DCUN1D1: variants seen among roughly 807,000 people sequenced by gnomAD.
DCUN1D1 encodes the protein DCN1-like protein 1.
A neutral mutation model predicts 39.0 loss-of-function variants in DCUN1D1; 3 were observed. The ratio of observed to expected loss-of-function variants is 0.08; its 90% CI spans 0.04 to 0.20. The LOEUF is 0.20. Ranked by LOEUF, DCUN1D1 falls within the 10% of genes least tolerant of loss-of-function variation. The pLI, the probability that DCUN1D1 is intolerant of heterozygous loss-of-function variation, is 1.00. For synonymous variants in DCUN1D1, 82 were observed against 96.3 expected (o/e 0.85, Z 0.87); for missense variants, 158 against 302.4 (o/e 0.52, Z 3.54).
At chr3:182,966,778 G>T (rs1408063008) in intron 1 of DCUN1D1, among the ~76,000 whole-genome samples, 1 of 152,150 alleles carries the variant, frequency 6.6e-6, no homozygotes, top group Non-Finnish European at 1.5e-5. Context: ...TGTAAATGAA[G>T]AGGGAAAACT....
rs1252278229 is a variant in DCUN1D1, at chr3:182,944,241, T to C, written c.*853A>G. Reference sequence around the variant, plus strand: ...TCCAAAACATTCAAAACAAATTAAATAGTTTAACTTATGTGACAGGCAGAT... The same window carrying C: ...TCCAAAACATTCAAAACAAATTAAACAGTTTAACTTATGTGACAGGCAGAT... On this transcript the variant is annotated 3_prime_UTR_variant, in exon 7 of 7. Transcript: ENST00000292782. 2 of 152,590 alleles carry C rather than the reference T, an allele frequency of 1.3e-5. No homozygotes were observed. Among genetic ancestry groups the C allele is most frequent in the African/African-American group, 4.8e-5 (2 of 41,436 alleles). The allele number at this position is 152,590 out of a possible 1,614,324, so 9.5% of individuals were successfully genotyped here.
chr3:182,956,975 G>T (rs765737726), intron 4 of DCUN1D1, among the ~76,000 whole-genome samples: 9 of 152,208 alleles, frequency 5.9e-5, no homozygotes, highest in Non-Finnish European at 1.2e-4. Flanking sequence ...AATAACAAAT[G>T]TCTCCTGTAA....
chr3:182,985,291 G>A (rs1415502749), upstream of DCUN1D1, among the ~76,000 whole-genome samples: 1 of 152,176 alleles, frequency 6.6e-6, no homozygotes, highest in Non-Finnish European at 1.5e-5. Context: ...TGTTACTGGT[G>A]ATACCAAAGG....
At chr3:182,980,567 C>T (rs1334352720), upstream of DCUN1D1, 2 of 1,179,424 alleles carry the variant, frequency 1.7e-6, no homozygotes, top group African/African-American at 1.6e-5. Flanking sequence ...CGGCTCCTCT[C>T]ACGGGCTTGC....
At chr3:182,957,937 C>CAAAAAAAAA (rs34998390) in intron 4 of DCUN1D1, among the ~76,000 whole-genome samples, 31 of 67,444 alleles carry the variant, frequency 4.6e-4, no homozygotes, top group Non-Finnish European at 5.5e-4. Flanking sequence ...GACCCTGCAT[C>CAAAAAAAAA]AAAAAAAAAA....
At chr3:182,956,754 T>A (rs1196428964) in intron 4 of DCUN1D1, among the ~76,000 whole-genome samples, 1 of 152,228 alleles carries the variant, frequency 6.6e-6, no homozygotes, top group East Asian at 1.9e-4. Flanking sequence ...TAGACTTTAG[T>A]CTAATAAAAG....
intron 1 of DCUN1D1, chr3:182,980,251 A>AGGCCC (rs1259882581): frequency 3.3e-6 from 1 of 298,908 alleles, no homozygotes; most frequent in East Asian, 1.7e-4. Flanking sequence ...GCTCCCGACT[A>AGGCCC]GGCCCGGCTC....
At chr3:182,983,085 A>G (rs1728612491), upstream of DCUN1D1, among the ~76,000 whole-genome samples, 1 of 152,228 alleles carries the variant, frequency 6.6e-6, no homozygotes, top group Admixed American at 6.5e-5. Context: ...CTGCATAAGC[A>G]TGAGCCTCTG....
intron 1 of DCUN1D1, among the ~76,000 whole-genome samples, chr3:182,970,004 A>C (rs1356533386): frequency 1.3e-5 from 2 of 152,218 alleles, no homozygotes; most frequent in African/African-American, 2.4e-5. Context: ...CCTGTAATCC[A>C]GCACTTTGGG....
chr3:182,962,005 A>C (rs1727422548), intron 3 of DCUN1D1, among the ~76,000 whole-genome samples: 1 of 152,220 alleles, frequency 6.6e-6, no homozygotes, highest in Non-Finnish European at 1.5e-5. Context: ...AGATTCCACA[A>C]ACAAATCAAT....
chr3:182,956,947 T>TG (rs1260975399), intron 4 of DCUN1D1, among the ~76,000 whole-genome samples: 10 of 152,196 alleles, frequency 6.6e-5, no homozygotes, highest in African/African-American at 2.4e-4. Flanking sequence ...GAAATGTGTT[T>TG]GGGGGGATAG....
chr3:182,952,791 A>G (rs778989312), intron 4 of DCUN1D1, among the ~76,000 whole-genome samples: 1 of 152,128 alleles, frequency 6.6e-6, no homozygotes, highest in South Asian at 2.1e-4. Context: ...TTTTAAATCT[A>G]TCTCTTCTCC....
intron 1 of DCUN1D1, among the ~76,000 whole-genome samples, chr3:182,978,260 C>T (rs1475573235): frequency 6.6e-6 from 1 of 152,158 alleles, no homozygotes; most frequent in African/African-American, 2.4e-5. Context: ...CACCAAAAAA[C>T]TCACAGCCCC....
In DCUN1D1 at chr3:182,944,062, G is replaced by A. The variant is rs1726270136; in HGVS notation, c.*1032C>T. ...TATATTATAAAGATTGAACTTCATGGCTCATTACAACCATTTTCAAAATTT... is the reference window on the plus strand; with the variant it reads ...TATATTATAAAGATTGAACTTCATGACTCATTACAACCATTTTCAAAATTT... On this transcript the variant is annotated 3_prime_UTR_variant, in exon 7 of 7. Transcript: ENST00000292782. The A allele has an allele frequency of 6.6e-6, 1 of 152,354 alleles. No individual in the cohort carries two copies. The highest frequency in any genetic ancestry group is 1.9e-4 in the East Asian group (1 of 5,192). The allele number at this position is 152,354 out of a possible 1,614,324, so 9.4% of individuals were successfully genotyped here.
At chr3:182,959,013 T>C (rs1268022778) in intron 4 of DCUN1D1, among the ~76,000 whole-genome samples, 1 of 152,186 alleles carries the variant, frequency 6.6e-6, no homozygotes, top group East Asian at 1.9e-4. Context: ...GTACTACACT[T>C]CTAAATATGA....
chr3:182,973,618 C>T (rs1728062252), intron 1 of DCUN1D1, among the ~76,000 whole-genome samples: 2 of 152,232 alleles, frequency 1.3e-5, no homozygotes, highest in East Asian at 3.9e-4. Context: ...ACCACCCTGG[C>T]CAACATGGTG....
chr3:182,947,668 TATAA>T (rs779451910), intron 4 of DCUN1D1, 36 bp from the exon 5 acceptor site: 43 of 1,187,760 alleles, frequency 3.6e-5, no homozygotes, highest in Non-Finnish European at 4.3e-5. Flanking sequence ...ATTTAAATGC[TATAA>T]ATATTTGTCC....
intron 2 of DCUN1D1, among the ~76,000 whole-genome samples, chr3:182,964,336 G>C (rs182578829): frequency 5.3e-5 from 8 of 152,184 alleles, no homozygotes; most frequent in African/African-American, 1.9e-4. Context: ...TCAGACATTC[G>C]TATATAGGGA....
chr3:182,941,962 T>C lies in DCUN1D1; in HGVS notation c.*3132A>G, dbSNP rs1048329446. On this transcript the variant is annotated 3_prime_UTR_variant, in exon 7 of 7. Coordinates refer to ENST00000292782, the MANE Select transcript of DCUN1D1 (RefSeq NM_020640.4). ...AAGTTAGCTACTACTACTCACTTCTTGATTATCATCAAATAAAAAATAAAT... is the reference window on the plus strand; with the variant it reads ...AAGTTAGCTACTACTACTCACTTCTCGATTATCATCAAATAAAAAATAAAT... 2.0e-5 allele frequency: 3 copies of C among 152,120 alleles called. No homozygotes were observed. Among genetic ancestry groups the C allele is most frequent in the African/African-American group, 7.2e-5 (3 of 41,456 alleles). The allele number at this position is 152,120 out of a possible 1,614,324, so 9.4% of individuals were successfully genotyped here.
Sources: gnomAD v4.1 joint callset for allele counts (sites outside exome capture counted in the v4.1 genomes callset) on GRCh38, gnomAD v4.1.1 for gene constraint, MANE v1.5 for transcripts, NCBI Gene and HGNC (gene_info 2026-07-23, HGNC 2026-07-21) for gene names.